BTNL8: variants seen among roughly 807,000 people sequenced by gnomAD.
BTNL8 encodes butyrophilin like 8, also known as butyrophilin-like protein 8.
A neutral mutation model predicts 36.1 loss-of-function variants in BTNL8; 22 were observed. The ratio of observed to expected loss-of-function variants is 0.61; its 90% confidence interval spans 0.44 to 0.87. The LOEUF (loss-of-function observed/expected upper bound fraction) is 0.87. Among genes scored for constraint, BTNL8 ranks in the 40% least tolerant of loss-of-function variants. The pLI is 0.00. For synonymous variants in BTNL8, 203 were observed against 235.6 expected, an observed-to-expected ratio of 0.86 and a Z score of 1.27; for missense variants, 526 against 616.9, an observed-to-expected ratio of 0.85 and a Z score of 1.56.
At chr5:180,903,762 C>T (rs1458514917) in intron 1 of BTNL8, among the ~76,000 whole-genome samples, 1 of 132,162 alleles carries the variant, frequency 7.6e-6, no homozygotes, top group African/African-American at 2.9e-5. Context: ...GTTTTCCCAG[C>T]ACCATTTATT....
chr5:180,901,001 G>A (rs4700999), intron 1 of BTNL8, among the ~76,000 whole-genome samples: 58,540 of 151,662 alleles, frequency 0.39, 12,855 homozygotes, highest in African/African-American at 0.61. Flanking sequence ...CAGGCTCCAG[G>A]GACGGAGCTG....
intron 3 of BTNL8, among the ~76,000 whole-genome samples, chr5:180,928,067 T>C (rs1228603509): frequency 6.6e-6 from 1 of 152,128 alleles, no homozygotes; most frequent in Non-Finnish European, 1.5e-5. Context: ...AGAAAAAATG[T>C]TAAGGGCAGC....
rs375080400 is a variant in BTNL8 at position 180,907,106 on chromosome 5, A to C, written c.50-1480A>C. Among the ~76,000 whole-genome samples, 12 of 115,202 alleles carry C rather than the reference A, an allele frequency of 1.0e-4. No homozygotes were observed. In the South Asian group the frequency reaches 2.4e-3, roughly 23 times the overall value. The allele number at this position is 115,202 out of a possible 152,430, so 75.6% of individuals were successfully genotyped here. ...TTGGGGAAGTTCTCCTGGATAATAT[A>C]CTGCAGAGTGTTTTCCAACTTGGTT... On this transcript the variant is annotated intron_variant, in intron 1 of 7. Transcript: ENST00000340184.
intron 3 of BTNL8, among the ~76,000 whole-genome samples, chr5:180,944,010 A>G (rs1759109446): frequency 6.6e-6 from 1 of 152,270 alleles, no homozygotes; most frequent in South Asian, 2.1e-4. Flanking sequence ...GTGGAATCCA[A>G]TAAATGGATC....
At chr5:180,909,063 C>A in intron 2 of BTNL8, 130 bp downstream of exon 2, 1 of 905,406 alleles carries the variant, frequency 1.1e-6, no homozygotes, top group Non-Finnish European at 1.7e-6. Context: ...ACTCTACGTT[C>A]CTTCTGTCTT....
intron 3 of BTNL8, among the ~76,000 whole-genome samples, chr5:180,927,914 G>A (rs1435523973): frequency 6.6e-6 from 1 of 152,146 alleles, no homozygotes; most frequent in African/African-American, 2.4e-5. Flanking sequence ...GATTCTCCAG[G>A]ATACTACCCA....
chr5:180,924,502 C>T (rs527995962), intron 3 of BTNL8, among the ~76,000 whole-genome samples: 3 of 152,348 alleles, frequency 2.0e-5, no homozygotes, highest in African/African-American at 7.2e-5. Context: ...AGAGCCCAAT[C>T]AGCAGCACCA....
At position 180,950,553 on chromosome 5, in the gene BTNL8, A is replaced by G. The variant is rs376109963; in HGVS notation, c.*9A>G. On this transcript the variant is annotated 3_prime_UTR_variant, in exon 8 of 8. Coordinates refer to ENST00000340184, the MANE Select transcript of BTNL8 (RefSeq NM_001040462.3). ...CCAGGGGTGAAATGTAGGATGAATC[A>G]CATCCCACATTCTTCTTTAGGGATA... The G allele has an allele frequency of 4.1e-6, 6 of 1,459,556 alleles. No individual in the cohort carries two copies. In the African/African-American group the frequency reaches 6.9e-5, roughly 17 times the overall value. 90.4% of individuals were successfully genotyped at this position (1,459,556 alleles called of 1,614,324 possible).
chr5:180,936,220 A>C (rs145194262), intron 3 of BTNL8, among the ~76,000 whole-genome samples: 4,524 of 152,140 alleles, frequency 0.03, 152 homozygotes, highest in African/African-American at 0.073. Flanking sequence ...TCTTTCTAAC[A>C]TAGTACTGGA....
chr5:180,949,429 A>G (rs1443238407), intron 7 of BTNL8, 164 bp downstream of exon 7: 3 of 1,078,078 alleles, frequency 2.8e-6, no homozygotes, highest in Non-Finnish European at 2.7e-6. Context: ...CAGTGCCCCC[A>G]GACACACTTC....
chr5:180,948,420 G>C, intron 5 of BTNL8, 45 bp downstream of exon 5: 3 of 1,560,732 alleles, frequency 1.9e-6, no homozygotes, highest in Non-Finnish European at 1.8e-6. Context: ...TGGTTCTCCC[G>C]GGTCCCTCCC....
intron 3 of BTNL8, among the ~76,000 whole-genome samples, chr5:180,922,897 A>C (rs1282796446): frequency 6.6e-6 from 1 of 152,122 alleles, no homozygotes; most frequent in Non-Finnish European, 1.5e-5. Flanking sequence ...ATATATATTC[A>C]GGATAGTTAT....
intron 3 of BTNL8, among the ~76,000 whole-genome samples, chr5:180,942,292 G>A (rs1759019179): frequency 6.6e-6 from 1 of 151,960 alleles, no homozygotes; most frequent in African/African-American, 2.4e-5. Context: ...GAACTGAAGG[G>A]AACACAAACA....
rs972298710 is a variant in BTNL8 at position 180,902,493 on chromosome 5, C to T, written c.49+3134C>T. The stretch of plus-strand genomic sequence containing the variant: ...CATCTCCAGCCCAGCCCAATGGAGC[C>T]CTGAGTAGGTCACACTATAAAGGGT... On this transcript the variant is annotated intron_variant, in intron 1 of 7. Transcript: ENST00000340184. The T allele has an allele frequency of 4.7e-6, 6 of 1,280,212 alleles. No individual in the cohort carries two copies. The African/African-American group carries it at 6.0e-5, about 13-fold the overall frequency. 79.3% of individuals were successfully genotyped at this position (1,280,212 alleles called of 1,614,324 possible).
intron 3 of BTNL8, among the ~76,000 whole-genome samples, chr5:180,915,352 C>A (rs528459462): frequency 6.6e-6 from 1 of 152,336 alleles, no homozygotes; most frequent in African/African-American, 2.4e-5. Context: ...ACACAGATAG[C>A]AATCAGCTTG....
chr5:180,908,727 T>C lies in BTNL8; in HGVS notation c.191T>C (p.Val64Ala). 2 of 1,614,182 alleles carry C rather than the reference T, an allele frequency of 1.2e-6. No homozygotes were observed. The highest frequency in any genetic ancestry group is 1.7e-6 in the Non-Finnish European group (2 of 1,180,040). Residue 64 changes from valine (V) to alanine (A), a missense_variant, in exon 2 of 8, where the codon GTC becomes GCC. Val to Ala is a moderately conservative substitution (Grantham distance 64, BLOSUM62 0). This residue lies in a region of BTNL8 where 350 missense variants were observed against 324.6 expected (regional missense o/e 1.08). Transcript: ENST00000340184. ...RFFRGQFSSV[V>A]HLYRDGKDQP... ...TTCAGGGGCCAGTTCTCTAGCGTGG[T>C]CCACCTCTACAGGGACGGGAAGGAC...
intron 3 of BTNL8, among the ~76,000 whole-genome samples, chr5:180,945,238 G>T (rs1056529948): frequency 6.6e-6 from 1 of 152,146 alleles, no homozygotes; most frequent in East Asian, 1.9e-4. Context: ...TTCAATAAAT[G>T]ATATTGAAAC....
At chr5:180,909,091 T>G (rs2113777882) in intron 2 of BTNL8, among the ~76,000 whole-genome samples, 158 bp downstream of exon 2, 1 of 152,326 alleles carries the variant, frequency 6.6e-6, no homozygotes, top group Admixed American at 6.5e-5. Context: ...TAGTTCTATG[T>G]GTTTTGTCAC....
chr5:180,948,277 C>T, intron 4 of BTNL8, 78 bp from the exon 5 acceptor site: 1 of 1,463,914 alleles, frequency 6.8e-7, no homozygotes, highest in East Asian at 2.4e-5. Context: ...GCTCGTCCCA[C>T]CTGTGCAAGG....
Sources: allele counts gnomAD v4.1 joint callset (sites outside exome capture counted in the v4.1 genomes callset), GRCh38; gene constraint gnomAD v4.1.1; regional missense constraint gnomAD v4.1.1; transcripts MANE v1.5; gene names NCBI Gene and HGNC (gene_info 2026-07-23, HGNC 2026-07-21).